Variants in PROX1 observed in about 807,000 individuals in gnomAD.
The protein encoded by PROX1 is prospero homeobox protein 1.
A neutral mutation model predicts 58.8 loss-of-function variants in PROX1; 7 were observed. The observed-to-expected ratio is 0.12, with a 90% CI of 0.07 to 0.22. The LOEUF (loss-of-function observed/expected upper bound fraction) is 0.22. Among genes scored for constraint, PROX1 ranks in the 10% least tolerant of loss-of-function variants. The probability of loss-of-function intolerance (pLI) is 1.00; values close to 1 mark genes in which losing one functional copy is unlikely to be tolerated. For missense variants in PROX1, 675 were observed against 927.8 expected, an observed-to-expected ratio of 0.73 and a Z score of 3.54; for synonymous variants, 350 against 358.3, an observed-to-expected ratio of 0.98 and a Z score of 0.26.
Position 214,037,132 on chromosome 1 carries a change from T to C in PROX1, c.*1298T>C, listed in dbSNP as rs948583016. On this transcript the variant is annotated 3_prime_UTR_variant, in exon 5 of 5. Transcript: ENST00000366958. ...AGCTGCTATTTTATGCTTTCTTCCA[T>C]GGTTCTCCTCTTTTTTCCCTTTTAT... 1 of 152,232 alleles carries C rather than the reference T, an allele frequency of 6.6e-6. No homozygotes were observed. The highest frequency in any genetic ancestry group is 2.4e-5 in the African/African-American group (1 of 41,464). The allele number at this position is 152,232 out of a possible 1,614,324, so 9.4% of individuals were successfully genotyped here.
Position 214,035,905 on chromosome 1 carries a change from T to C in PROX1, c.*71T>C. 7.3e-7 allele frequency: 1 copy of C among 1,368,524 alleles called. No homozygotes were observed. The highest frequency in any genetic ancestry group is 9.9e-7 in the Non-Finnish European group (1 of 1,008,698). 84.8% of individuals were successfully genotyped at this position (1,368,524 alleles called of 1,614,324 possible). A position where few individuals can be genotyped will look rare whatever the true frequency, so the allele number is the denominator to read the frequency against. On this transcript the variant is annotated 3_prime_UTR_variant, in exon 5 of 5. Transcript: ENST00000366958. ...TTTGGATGTCCAAGTTATATGTGTC[T>C]AGATTTTGATTTCATATATATGTGT...
chr1:214,006,815 C>T (rs1663731000), intron 3 of PROX1, among the ~76,000 whole-genome samples: 1 of 152,068 alleles, frequency 6.6e-6, no homozygotes, highest in South Asian at 2.1e-4. Context: ...CCATGTTACT[C>T]ATTCCTTTTA....
intron 4 of PROX1, among the ~76,000 whole-genome samples, chr1:214,033,814 TA>T (rs1664742377): frequency 6.6e-6 from 1 of 152,156 alleles, no homozygotes. Context: ...TTTATTTGTA[TA>T]ATGTGAGTGG....
At chr1:214,030,126 A>C (rs1664595525) in intron 4 of PROX1, 2 of 152,374 alleles carry the variant, frequency 1.3e-5, no homozygotes, top group African/African-American at 4.8e-5. Context: ...AAATACCAGT[A>C]CCCTTTTCTC....
At chr1:214,000,079 C>T (rs900754325) in intron 2 of PROX1, among the ~76,000 whole-genome samples, 5 of 152,040 alleles carry the variant, frequency 3.3e-5, no homozygotes, top group African/African-American at 1.2e-4. Context: ...CACACACACA[C>T]AGAGTAAAGT....
intron 4 of PROX1, among the ~76,000 whole-genome samples, chr1:214,022,003 T>C (rs1184237116): frequency 6.6e-6 from 1 of 152,212 alleles, no homozygotes; most frequent in Non-Finnish European, 1.5e-5. Context: ...TTTGATGTTA[T>C]TCTCAGGCAG....
rs554089944 is a variant in PROX1, at chr1:214,011,460, T to TA, written c.1834-54dup. ...GAACATTAAAAATGCTTCAGACACT[T>TA]AAAAAAATAAATGAAGAAAATGGCA... On this transcript the variant is annotated intron_variant, in intron 3 of 4. Transcript: ENST00000366958. 3,868 of 1,461,560 alleles carry TA rather than the reference T, an allele frequency of 2.6e-3. 10 individuals are homozygous for TA. Among genetic ancestry groups the TA allele is most frequent in the Middle Eastern group, 6.4e-3 (35 of 5,510 alleles). 90.5% of individuals were successfully genotyped at this position (1,461,560 alleles called of 1,614,324 possible). A position where few individuals can be genotyped will look rare whatever the true frequency, so the allele number is the denominator to read the frequency against.
chr1:214,002,935 G>A (rs1208936292), intron 2 of PROX1, among the ~76,000 whole-genome samples: 2 of 152,092 alleles, frequency 1.3e-5, no homozygotes, highest in East Asian at 1.9e-4. Context: ...TACACAATAA[G>A]CAAGAGATAA....
At chr1:214,010,096 C>T (rs556867956) in intron 3 of PROX1, among the ~76,000 whole-genome samples, 8 of 152,092 alleles carry the variant, frequency 5.3e-5, no homozygotes, top group Middle Eastern at 3.4e-3. Context: ...TCGGGTTCCC[C>T]GCGAGGCTGA....
At chr1:214,035,469 T>A (rs1178498457) in intron 4 of PROX1, among the ~76,000 whole-genome samples, 180 bp from the exon 5 acceptor site, 2 of 152,160 alleles carry the variant, frequency 1.3e-5, no homozygotes, top group African/African-American at 4.8e-5. Context: ...CAACCCCACA[T>A]CACAATGCTT....
chr1:214,005,943 C>CGT (rs369421627), intron 3 of PROX1, among the ~76,000 whole-genome samples: 4,955 of 147,996 alleles, frequency 0.033, 255 homozygotes, highest in African/African-American at 0.11. Context: ...TGTGTGTATG[C>CGT]GTGTGTGTGT....
At chr1:214,012,932 CT>C (rs1194018220) in intron 4 of PROX1, among the ~76,000 whole-genome samples, 2 of 152,112 alleles carry the variant, frequency 1.3e-5, no homozygotes, top group African/African-American at 4.8e-5. Flanking sequence ...TGCCCCCCTC[CT>C]TTTTTTCGGC....
chr1:213,986,664 A>T (rs1662832575), upstream of PROX1, among the ~76,000 whole-genome samples: 1 of 152,228 alleles, frequency 6.6e-6, no homozygotes, highest in African/African-American at 2.4e-5. Context: ...TCCTCCTCCT[A>T]CTTACAAAAA....
intron 4 of PROX1, among the ~76,000 whole-genome samples, chr1:214,014,795 C>G (rs1055097405): frequency 6.6e-6 from 1 of 152,200 alleles, no homozygotes; most frequent in African/African-American, 2.4e-5. Flanking sequence ...CCCTTGTCTT[C>G]TCTCAGCCTT....
At chr1:213,995,774 G>C (rs1320813983) in intron 1 of PROX1, among the ~76,000 whole-genome samples, 14 of 151,942 alleles carry the variant, frequency 9.2e-5, no homozygotes, top group African/African-American at 2.7e-4. Context: ...CTTCACCTAT[G>C]ATTTTACAAG....
intron 4 of PROX1, among the ~76,000 whole-genome samples, chr1:214,025,802 C>A (rs370442376): frequency 6.6e-6 from 1 of 151,988 alleles, no homozygotes; most frequent in African/African-American, 2.4e-5. Context: ...GCTGGGATTG[C>A]GGGCGCCAGC....
intron 2 of PROX1, among the ~76,000 whole-genome samples, chr1:214,001,999 A>G (rs1663532857): frequency 1.3e-5 from 2 of 152,156 alleles, no homozygotes; most frequent in East Asian, 1.9e-4. Flanking sequence ...TTCTAGGGGG[A>G]AAACCTCTTA....
intron 2 of PROX1, among the ~76,000 whole-genome samples, chr1:213,999,092 C>A (rs189520983): frequency 1.2e-4 from 18 of 152,218 alleles, no homozygotes; most frequent in African/African-American, 3.4e-4. Context: ...CAGCTGTATT[C>A]GACTTAAAAA....
At chr1:214,028,921 G>A (rs1664551266) in intron 4 of PROX1, 1 of 152,242 alleles carries the variant, frequency 6.6e-6, no homozygotes, top group Non-Finnish European at 1.5e-5. Flanking sequence ...AGTTTAGTGT[G>A]AGTGAGACAG....
Sources: gnomAD v4.1 joint callset for allele counts (sites outside exome capture counted in the v4.1 genomes callset) on GRCh38, gnomAD v4.1.1 for gene constraint, MANE v1.5 for transcripts, NCBI Gene and HGNC (gene_info 2026-07-23, HGNC 2026-07-21) for gene names.